Variants in SHISA6 observed in about 807,000 individuals in gnomAD.
SHISA6 encodes protein shisa-6.
In SHISA6, 22 loss-of-function variants were observed where a neutral mutation model predicts 47.9. The ratio of observed to expected loss-of-function variants is 0.46; its 90% CI spans 0.33 to 0.66. The LOEUF is 0.66. SHISA6 is among the 30% of genes least tolerant of loss of function. The pLI, the probability that SHISA6 is intolerant of heterozygous loss-of-function variation, is 0.02. For missense variants in SHISA6, 680 were observed against 764.6 expected, an observed-to-expected ratio of 0.89 and a Z score of 1.30; for synonymous variants, 388 against 337.8, an observed-to-expected ratio of 1.15 and a Z score of -1.63.
At chr17:11,313,846 GGAGA>G (rs144179066) in intron 2 of SHISA6, among the ~76,000 whole-genome samples, 2 of 151,522 alleles carry the variant, frequency 1.3e-5, no homozygotes, top group African/African-American at 4.8e-5. Context: ...AGATGAAGAC[GGAGA>G]GAGAGAGAGA....
rs1041843105 is a variant in SHISA6 at position 11,550,960 on chromosome 17, G to A, written c.896-936G>A. On this transcript the variant is annotated intron_variant, in intron 3 of 5. Transcript: ENST00000441885. ...TATAAGGCCAAAGGCAGGAAAGAAGGCTTCAGTCACAAGATGTAAAGAAAT... is the reference window on the plus strand; with the variant it reads ...TATAAGGCCAAAGGCAGGAAAGAAGACTTCAGTCACAAGATGTAAAGAAAT... 3.9e-5 allele frequency among the ~76,000 whole-genome samples: 6 copies of A among 152,342 alleles called. No homozygotes were observed. The East Asian group carries it at 1.2e-3, about 29-fold the overall frequency.
At chr17:11,374,386 T>C (rs1912723712) in intron 2 of SHISA6, among the ~76,000 whole-genome samples, 2 of 152,282 alleles carry the variant, frequency 1.3e-5, no homozygotes, top group South Asian at 4.1e-4. Context: ...GTTTTTGACT[T>C]GAGTCTTGTT....
At chr17:11,447,453 G>A (rs1473759145) in intron 3 of SHISA6, among the ~76,000 whole-genome samples, 1 of 152,052 alleles carries the variant, frequency 6.6e-6, no homozygotes, top group Admixed American at 6.5e-5. Context: ...ACAGCTTCCC[G>A]GAACTGGCTC....
chr17:11,358,221 T>C (rs1912136569), intron 2 of SHISA6, among the ~76,000 whole-genome samples: 1 of 152,114 alleles, frequency 6.6e-6, no homozygotes, highest in South Asian at 2.1e-4. Context: ...TGGTAACCAC[T>C]CTTCTGCTTT....
intron 3 of SHISA6, among the ~76,000 whole-genome samples, chr17:11,507,126 AC>A (rs2071505507): frequency 6.6e-6 from 1 of 152,216 alleles, no homozygotes; most frequent in Non-Finnish European, 1.5e-5. Flanking sequence ...GAAGACAATG[AC>A]ATCCACCACA....
intron 2 of SHISA6, among the ~76,000 whole-genome samples, chr17:11,272,481 C>T (rs1321705417): frequency 6.6e-6 from 1 of 152,134 alleles, no homozygotes; most frequent in Non-Finnish European, 1.5e-5. Flanking sequence ...TTTGGAACCC[C>T]GCTCTGCCTT....
chr17:11,539,238 G>T (rs949194806), intron 3 of SHISA6, among the ~76,000 whole-genome samples: 1 of 152,096 alleles, frequency 6.6e-6, no homozygotes, highest in Non-Finnish European at 1.5e-5. Flanking sequence ...CACCACACCC[G>T]GCCCACCTCT....
At chr17:11,435,875 C>T (rs533253504) in intron 3 of SHISA6, among the ~76,000 whole-genome samples, 3 of 152,332 alleles carry the variant, frequency 2.0e-5, no homozygotes, top group South Asian at 2.1e-4. Flanking sequence ...CATGCACCAT[C>T]GCTTTACCTG....
chr17:11,425,970 A>C (rs932221353), intron 3 of SHISA6, among the ~76,000 whole-genome samples: 26 of 152,216 alleles, frequency 1.7e-4, no homozygotes, highest in African/African-American at 5.1e-4. Context: ...GCACTGATCA[A>C]CTTGAGCCTT....
At chr17:11,491,776 T>TGTTG (rs1555539491) in intron 3 of SHISA6, among the ~76,000 whole-genome samples, 2 of 145,450 alleles carry the variant, frequency 1.4e-5, no homozygotes, top group Non-Finnish European at 3.0e-5. Context: ...AAGTGTTTTT[T>TGTTG]TTTTTTTTTT....
At chr17:11,356,947 C>T (rs866381470) in intron 2 of SHISA6, among the ~76,000 whole-genome samples, 3 of 151,868 alleles carry the variant, frequency 2.0e-5, no homozygotes, top group Admixed American at 6.6e-5. Context: ...CTGAGGCAGG[C>T]GGATCATGAG....
intron 3 of SHISA6, among the ~76,000 whole-genome samples, chr17:11,480,193 T>C (rs767363084): frequency 6.6e-6 from 1 of 152,196 alleles, no homozygotes; most frequent in Admixed American, 6.5e-5. Flanking sequence ...AGTCCCACAG[T>C]CCTAGCTTCT....
chr17:11,272,279 T>C (rs576955625), intron 2 of SHISA6, among the ~76,000 whole-genome samples: 59 of 152,322 alleles, frequency 3.9e-4, no homozygotes, highest in African/African-American at 1.4e-3. Context: ...TTGCTTGGTC[T>C]GGAATGTTCT....
intron 3 of SHISA6, among the ~76,000 whole-genome samples, chr17:11,392,167 CT>C (rs530952317): frequency 1.5e-4 from 22 of 150,072 alleles, no homozygotes; most frequent in African/African-American, 2.9e-4. Context: ...CCCAGTGAAT[CT>C]TTTTTTTTTC....
chr17:11,508,106 C>T (rs2071515401), intron 3 of SHISA6, among the ~76,000 whole-genome samples: 1 of 152,268 alleles, frequency 6.6e-6, no homozygotes, highest in Non-Finnish European at 1.5e-5. Flanking sequence ...TTGGAGGCAG[C>T]AAGCTTGATG....
At chr17:11,326,962 G>T (rs1342873815) in intron 2 of SHISA6, among the ~76,000 whole-genome samples, 1 of 152,182 alleles carries the variant, frequency 6.6e-6, no homozygotes, top group Non-Finnish European at 1.5e-5. Context: ...GTAGTACAAA[G>T]GACATCTTTA....
intron 3 of SHISA6, among the ~76,000 whole-genome samples, chr17:11,543,820 C>A (rs753848181): frequency 1.1e-4 from 16 of 148,296 alleles, no homozygotes; most frequent in Non-Finnish European, 1.8e-4. Context: ...ATATACCCAA[C>A]TGATTTTTTG....
At chr17:11,342,499 C>T (rs1452566204) in intron 2 of SHISA6, among the ~76,000 whole-genome samples, 7 of 151,988 alleles carry the variant, frequency 4.6e-5, no homozygotes, top group African/African-American at 1.7e-4. Context: ...CGTGAGCTCC[C>T]AAAGGGGTGA....
chr17:11,524,953 T>C (rs1187178266), intron 3 of SHISA6, among the ~76,000 whole-genome samples: 1 of 151,762 alleles, frequency 6.6e-6, no homozygotes, highest in African/African-American at 2.4e-5. Flanking sequence ...GTTGAAACCC[T>C]GAGATGACGG....
Sources: allele counts gnomAD v4.1 joint callset (sites outside exome capture counted in the v4.1 genomes callset), GRCh38; gene constraint gnomAD v4.1.1; transcripts MANE v1.5; gene names NCBI Gene and HGNC (gene_info 2026-07-23, HGNC 2026-07-21).